Variants in TENM2 observed in about 807,000 individuals in gnomAD.
TENM2 encodes teneurin-2.
Under a neutral mutation model 245.2 loss-of-function variants are expected in TENM2, and 52 were observed. The ratio of observed to expected loss-of-function variants is 0.21; its 90% CI spans 0.17 to 0.27. The LOEUF (loss-of-function observed/expected upper bound fraction) is 0.27, where lower values mean the gene tolerates loss of function less well. Ranked by LOEUF, TENM2 falls within the 10% of genes least tolerant of loss-of-function variation. The pLI is 1.00. For missense variants in TENM2, 3,046 were observed against 3,666.8 expected (o/e 0.83, Z 4.37); for synonymous variants, 1,363 against 1,438.9 (o/e 0.95, Z 1.19).
At chr5:167,519,844 A>C (rs1770635504) in intron 2 of TENM2, among the ~76,000 whole-genome samples, 1 of 152,180 alleles carries the variant, frequency 6.6e-6, no homozygotes, top group African/African-American at 2.4e-5. Flanking sequence ...GTTCGGATTT[A>C]TATTGGCACT....
At chr5:167,484,729 C>T (rs562881337) in intron 2 of TENM2, among the ~76,000 whole-genome samples, 8 of 152,298 alleles carry the variant, frequency 5.3e-5, no homozygotes, top group Admixed American at 2.0e-4. Flanking sequence ...CATATACTGA[C>T]ATTTGAAAAG....
chr5:167,953,016 A>C (rs1258161220), intron 4 of TENM2, among the ~76,000 whole-genome samples, 194 bp downstream of exon 6: 1 of 152,230 alleles, frequency 6.6e-6, no homozygotes, highest in Non-Finnish European at 1.5e-5. Flanking sequence ...TTCTTCGTTC[A>C]CATGTGTCTC....
intron 6 of TENM2, among the ~76,000 whole-genome samples, chr5:168,053,290 A>G (rs902607111): frequency 1.3e-5 from 2 of 152,214 alleles, no homozygotes; most frequent in African/African-American, 2.4e-5. Context: ...ATTGCCACCC[A>G]TAGCCCCATT....
At chr5:167,417,730 G>C (rs1473700505) in intron 2 of TENM2, among the ~76,000 whole-genome samples, 1 of 152,144 alleles carries the variant, frequency 6.6e-6, no homozygotes, top group Non-Finnish European at 1.5e-5. Flanking sequence ...GAAGGTGTAA[G>C]AGGAAGAGCC....
chr5:167,422,991 C>T (rs1379143852), intron 2 of TENM2, among the ~76,000 whole-genome samples: 3 of 152,106 alleles, frequency 2.0e-5, no homozygotes, highest in Admixed American at 6.6e-5. Context: ...TGTTGTGCAG[C>T]GTTGACTCCT....
At chr5:167,929,074 AAAGAAAG>A (rs1317833901) in intron 3 of TENM2, among the ~76,000 whole-genome samples, 8 of 64,208 alleles carry the variant, frequency 1.2e-4, no homozygotes, top group African/African-American at 5.6e-4. Context: ...AGAAAGAAAG[AAAGAAAG>A]AAAGAAAGAA....
chr5:167,562,453 A>G (rs528807316), intron 2 of TENM2, among the ~76,000 whole-genome samples: 220 of 152,230 alleles, frequency 1.4e-3, no homozygotes, highest in African/African-American at 4.9e-3. Context: ...GATTTGCACA[A>G]AGATTGAGTT....
chr5:167,598,969 T>A (rs907185287), intron 2 of TENM2, among the ~76,000 whole-genome samples: 13 of 152,146 alleles, frequency 8.5e-5, no homozygotes, highest in African/African-American at 2.9e-4. Flanking sequence ...CCTCAAAGAT[T>A]AAAGGGCTTT....
At chr5:167,291,673 G>A (rs1016810277) in intron 1 of TENM2, among the ~76,000 whole-genome samples, 1 of 152,206 alleles carries the variant, frequency 6.6e-6, no homozygotes, top group Non-Finnish European at 1.5e-5. Context: ...TTGGATGTAG[G>A]TTTATCCTGT....
chr5:167,244,375 G>T, the TENM2 span, among the ~76,000 whole-genome samples: 1 of 152,078 alleles, frequency 6.6e-6, no homozygotes, highest in African/African-American at 2.4e-5. Context: ...CCCACACAGT[G>T]GAATATTAAT....
chr5:167,062,512 A>AAAC, the TENM2 span, among the ~76,000 whole-genome samples: 4 of 151,846 alleles, frequency 2.6e-5, no homozygotes, highest in East Asian at 5.8e-4. Context: ...TGAAAAAAAA[A>AAAC]ATCTGTGTCT....
At chr5:167,030,193 C>T in the TENM2 span, among the ~76,000 whole-genome samples, 4 of 152,178 alleles carry the variant, frequency 2.6e-5, no homozygotes, top group Non-Finnish European at 5.9e-5. Context: ...TCTTCACTGA[C>T]CACCTTCTGA....
intron 1 of TENM2, among the ~76,000 whole-genome samples, chr5:167,342,754 C>T (rs1308868855): frequency 6.6e-6 from 1 of 151,806 alleles, no homozygotes; most frequent in African/African-American, 2.4e-5. Flanking sequence ...GTCTCGATCT[C>T]CTGACCTCAT....
intron 5 of TENM2, among the ~76,000 whole-genome samples, chr5:168,000,881 G>A (rs534417524): frequency 3.3e-5 from 5 of 152,034 alleles, no homozygotes; most frequent in African/African-American, 9.7e-5. Context: ...GTGGTACCTG[G>A]CACACAATAG....
intron 2 of TENM2, among the ~76,000 whole-genome samples, chr5:167,535,017 T>C (rs1027731215): frequency 6.6e-6 from 1 of 152,190 alleles, no homozygotes; most frequent in Non-Finnish European, 1.5e-5. Flanking sequence ...TTCTCAGAGA[T>C]AAAAATAGTT....
intron 2 of TENM2, among the ~76,000 whole-genome samples, chr5:167,597,134 C>G (rs1463157580): frequency 6.6e-6 from 1 of 151,016 alleles, no homozygotes; most frequent in Non-Finnish European, 1.5e-5. Flanking sequence ...CATAAACACC[C>G]ATACATATTT....
At chr5:168,092,111 G>GGGCT in intron 8 of TENM2, among the ~76,000 whole-genome samples, 1 of 152,080 alleles carries the variant, frequency 6.6e-6, no homozygotes, top group African/African-American at 2.4e-5. Context: ...TTTTCCTGAG[G>GGGCT]GGCTCCCTGA....
At chr5:167,621,004 G>A (rs961796216) in intron 2 of TENM2, among the ~76,000 whole-genome samples, 2 of 152,048 alleles carry the variant, frequency 1.3e-5, no homozygotes, top group African/African-American at 4.8e-5. Context: ...TTTTCTTGCA[G>A]ATCCCAATAT....
intron 3 of TENM2, among the ~76,000 whole-genome samples, chr5:167,889,883 A>G (rs1774608959): frequency 6.6e-6 from 1 of 152,168 alleles, no homozygotes; most frequent in Admixed American, 6.5e-5. Context: ...TGTGAAAATA[A>G]TTCACAGGGA....
Sources: gnomAD v4.1 joint callset for allele counts (sites outside exome capture counted in the v4.1 genomes callset) on GRCh38, gnomAD v4.1.1 for gene constraint, MANE v1.5 for transcripts, NCBI Gene and HGNC (gene_info 2026-07-23, HGNC 2026-07-21) for gene names.